FKBP5: variants seen among roughly 807,000 people sequenced by gnomAD.
The protein encoded by FKBP5 is peptidyl-prolyl cis-trans isomerase FKBP5.
In FKBP5, 23 loss-of-function variants were observed where a neutral mutation model predicts 50.5. The ratio of observed to expected loss-of-function variants is 0.46; its 90% CI spans 0.33 to 0.65. The LOEUF is 0.65. Ranked by LOEUF, FKBP5 falls within the 30% of genes least tolerant of loss-of-function variation. The probability of loss-of-function intolerance (pLI) is 0.02; values close to 1 mark genes in which losing one functional copy is unlikely to be tolerated. For missense variants in FKBP5, 411 were observed against 553.1 expected, an observed-to-expected ratio of 0.74 and a Z score of 2.58; for synonymous variants, 176 against 190.6, an observed-to-expected ratio of 0.92 and a Z score of 0.63.
At chr6:35,681,912 T>C (rs572197647) in intron 1 of FKBP5, among the ~76,000 whole-genome samples, 22 of 152,242 alleles carry the variant, frequency 1.4e-4, no homozygotes, top group East Asian at 5.8e-4. Flanking sequence ...GTCTGGGCGA[T>C]AGAGTGAGAC....
chr6:35,644,021 A>AT (rs1235580679), intron 1 of FKBP5, among the ~76,000 whole-genome samples: 2 of 152,094 alleles, frequency 1.3e-5, no homozygotes, highest in African/African-American at 4.8e-5. Context: ...CTTCTCTAAG[A>AT]TTTTTTCCTT....
intron 1 of FKBP5, among the ~76,000 whole-genome samples, chr6:35,687,467 AG>A (rs1765859631): frequency 6.6e-6 from 1 of 152,226 alleles, no homozygotes; most frequent in Non-Finnish European, 1.5e-5. Context: ...CTCCCTTTAG[AG>A]AATTACTTTA....
chr6:35,701,489 C>A lies in FKBP5; in HGVS notation c.-20+18839G>T, dbSNP rs1397792205. ...CGATCTCCTGACCTCGTGATCCGCC[C>A]GCCTCGGCCTCCCAAAGTGCTGGGA... On this transcript the variant is annotated intron_variant, in intron 2 of 11. Transcript: ENST00000536438. Among the ~76,000 whole-genome samples the A allele has an allele frequency of 5.9e-5, 9 of 151,624 alleles. No individual in the cohort carries two copies. The East Asian group carries it at 1.6e-3, about 26-fold the overall frequency.
upstream of FKBP5, among the ~76,000 whole-genome samples, chr6:35,693,076 T>TAAAAAA (rs35498093): frequency 1.2e-5 from 1 of 80,780 alleles, no homozygotes; most frequent in Non-Finnish European, 2.1e-5. Context: ...TCTTTTCAGC[T>TAAAAAA]AAAAAAAAAA....
At chr6:35,690,574 C>CT (rs1161129962), upstream of FKBP5, among the ~76,000 whole-genome samples, 1 of 152,162 alleles carries the variant, frequency 6.6e-6, no homozygotes, top group Non-Finnish European at 1.5e-5. Context: ...TCCTCAGTGC[C>CT]TAGAAGCTTC....
intron 3 of FKBP5, among the ~76,000 whole-genome samples, chr6:35,627,090 C>T (rs1252046534): frequency 6.6e-6 from 1 of 152,146 alleles, no homozygotes; most frequent in Non-Finnish European, 1.5e-5. Flanking sequence ...TTTTACATTC[C>T]CACCAACAGC....
At chr6:35,591,435 C>T (rs1237943224) in intron 6 of FKBP5, among the ~76,000 whole-genome samples, 2 of 152,182 alleles carry the variant, frequency 1.3e-5, no homozygotes. Flanking sequence ...TTTCTTTTCT[C>T]CTTCACATTC....
intron 2 of FKBP5, among the ~76,000 whole-genome samples, chr6:35,714,097 C>A (rs1386323378): frequency 6.6e-6 from 1 of 151,454 alleles, no homozygotes; most frequent in Non-Finnish European, 1.5e-5. Context: ...GGAGCTGACA[C>A]CCACCCATGG....
Position 35,577,211 on chromosome 6 carries a change from T to G in FKBP5, c.1049A>C (p.Asn350Thr), listed in dbSNP as rs140740382. ...CDKALGLDSA[N>T]EKGLYRRGEA... ...ACCCCTCCTATACAAGCCTTTCTCA[T>G]TGGCACTGTCCAGTCCAAGGGCCTA... The change falls in exon 10 of 11, where the codon AAT (asparagine) becomes ACT (threonine). Residue 350 changes from asparagine (N) to threonine (T), a missense_variant. Transcript: ENST00000357266. The G allele has an allele frequency of 6.2e-7, 1 of 1,611,746 alleles. No individual in the cohort carries two copies. The highest frequency in any genetic ancestry group is 8.5e-7 in the Non-Finnish European group (1 of 1,178,602).
At chr6:35,638,351 C>A (rs1257804910) in intron 2 of FKBP5, among the ~76,000 whole-genome samples, 7 of 152,192 alleles carry the variant, frequency 4.6e-5, no homozygotes, top group Admixed American at 2.6e-4. Context: ...GTCCACCTAA[C>A]ATAAATATCA....
chr6:35,685,733 G>A (rs1345757353), intron 1 of FKBP5, among the ~76,000 whole-genome samples: 1 of 152,270 alleles, frequency 6.6e-6, no homozygotes, highest in East Asian at 1.9e-4. Context: ...TGTAATACCA[G>A]CACTTTGGGA....
intron 2 of FKBP5, among the ~76,000 whole-genome samples, chr6:35,694,318 T>C (rs1766048841): frequency 6.6e-6 from 1 of 152,048 alleles, no homozygotes. Context: ...GTTAATTTTT[T>C]TTATTTGTAG....
At chr6:35,681,658 C>T (rs1484568756) in intron 1 of FKBP5, among the ~76,000 whole-genome samples, 1 of 152,072 alleles carries the variant, frequency 6.6e-6, no homozygotes, top group Admixed American at 6.6e-5. Context: ...TTTTTGTGGG[C>T]ATATATACTT....
chr6:35,715,476 G>C (rs576702803), intron 2 of FKBP5, among the ~76,000 whole-genome samples: 2 of 152,298 alleles, frequency 1.3e-5, no homozygotes, highest in South Asian at 4.1e-4. Flanking sequence ...ATTATTGCCA[G>C]CACTATTATA....
intron 8 of FKBP5, 21 bp downstream of exon 8, chr6:35,587,013 A>ATT (rs1762621517): frequency 6.2e-7 from 1 of 1,613,820 alleles, no homozygotes; most frequent in African/African-American, 1.3e-5. Context: ...GATGGAAAGG[A>ATT]TTGCATAGGG....
At chr6:35,697,547 C>CAAAAAAA (rs369940228) in intron 2 of FKBP5, among the ~76,000 whole-genome samples, 5 of 124,108 alleles carry the variant, frequency 4.0e-5, no homozygotes, top group Non-Finnish European at 3.3e-5. Context: ...AACTCTGTCT[C>CAAAAAAA]AAAAAAAAAA....
At chr6:35,611,927 C>T (rs571374786) in intron 5 of FKBP5, among the ~76,000 whole-genome samples, 1 of 152,130 alleles carries the variant, frequency 6.6e-6, no homozygotes, top group South Asian at 2.1e-4. Context: ...CTTTTTGAGT[C>T]CATAATGTTA....
rs911198946 is a variant in FKBP5, at chr6:35,583,958, AGTTT to A, written c.840+3072_840+3075del. On this transcript the variant is annotated intron_variant, in intron 8 of 10. Transcript: ENST00000357266. ...AGAGGTTGAACAATTCTCCTCAACT[AGTTT>A]GTTTTAGAAATGCTTTCTTCCCAGG... The A allele has an allele frequency of 1.1e-5, 11 of 985,282 alleles. No homozygotes were observed. The East Asian group carries it at 5.7e-4, about 51-fold the overall frequency. 61.0% of individuals were successfully genotyped at this position (985,282 alleles called of 1,614,324 possible).
Position 35,587,083 on chromosome 6 carries a change from T to G in FKBP5, c.791A>C (p.Lys264Thr), listed in dbSNP as rs1762623877. Reference protein sequence around the residue: ...KESWEMDTKEKLEQAAIVKEK... With the variant: ...KESWEMDTKETLEQAAIVKEK... ...TTTGACAATGGCAGCCTGCTCCAAT[T>G]TTTCTTTGGTATCCATCTCCCAGGA... Residue 264 changes from lysine to threonine, a missense_variant, in exon 8 of 11, where the codon AAA becomes ACA. Lys to Thr is a moderately conservative substitution (Grantham distance 78). Around this residue, in one of 3 missense-constraint regions of FKBP5, gnomAD observed 267 missense variants for 405.9 expected, o/e 0.66. Coordinates refer to ENST00000357266, the MANE Select transcript of FKBP5 (RefSeq NM_004117.4). The G allele has an allele frequency of 6.2e-7, 1 of 1,614,122 alleles. No individual in the cohort carries two copies. Among genetic ancestry groups the G allele is most frequent in the Non-Finnish European group, 8.5e-7 (1 of 1,179,990 alleles).
Sources: allele counts gnomAD v4.1 joint callset (sites outside exome capture counted in the v4.1 genomes callset), GRCh38; gene constraint gnomAD v4.1.1; regional missense constraint gnomAD v4.1.1; transcripts MANE v1.5; gene names NCBI Gene and HGNC (gene_info 2026-07-23, HGNC 2026-07-21).